The following BBS4 variants were observed in gnomAD, a reference collection of about 807,000 sequenced individuals.
BBS4 encodes BBSome complex member BBS4.
BBS4 carries 58 observed loss-of-function variants against 71.4 expected under a neutral mutation model. The observed-to-expected ratio is 0.81, with a 90% CI of 0.66 to 1.01. BBS4 has a LOEUF of 1.01. Among genes scored for constraint, BBS4 ranks in the 50% least tolerant of loss-of-function variants. BBS4 has a pLI of 0.00. For synonymous variants in BBS4, 228 were observed against 216.8 expected (o/e 1.05, Z -0.46); for missense variants, 660 against 607.9 (o/e 1.09, Z -0.90).
At chr15:72,728,497 CA>C (rs1464251031) in intron 9 of BBS4, among the ~76,000 whole-genome samples, 63 of 146,574 alleles carry the variant, frequency 4.3e-4, no homozygotes, top group Non-Finnish European at 5.4e-4. Flanking sequence ...GATCCTGTCT[CA>C]GAAAAAAAAA....
chr15:72,703,784 CTTAG>C (rs1429762350), intron 2 of BBS4, among the ~76,000 whole-genome samples: 6 of 151,966 alleles, frequency 3.9e-5, no homozygotes, highest in African/African-American at 1.4e-4. Context: ...TTACAAAAGC[CTTAG>C]TTATTTAGTA....
rs375782949 is a variant in BBS4 at position 72,724,530 on chromosome 15, A to G, written c.462A>G (p.Ala154=). The stretch of plus-strand genomic sequence containing the variant: ...CTTTATTTTGTTAAACTTGTCAGGC[A>G]CAAGACCAGTTGCACAATGCCCTGA... ...CYIYLKQFNK[A]QDQLHNALNL... The change falls in exon 8 of 16, where the codon GCA becomes GCG. Residue 154 remains alanine (A), a splice_region_variant and synonymous_variant. Transcript: ENST00000268057. The G allele has an allele frequency of 6.2e-6, 10 of 1,614,020 alleles. No homozygotes were observed. The highest frequency in any genetic ancestry group is 8.5e-6 in the Non-Finnish European group (10 of 1,179,906).
chr15:72,727,320 A>G (rs770418003), intron 8 of BBS4, among the ~76,000 whole-genome samples: 6 of 152,194 alleles, frequency 3.9e-5, no homozygotes, highest in Admixed American at 3.3e-4. Flanking sequence ...ACAAAGACAA[A>G]TACTAGTGAG....
chr15:72,721,071 T>C (rs957561793), intron 6 of BBS4, among the ~76,000 whole-genome samples: 2 of 152,160 alleles, frequency 1.3e-5, no homozygotes, highest in African/African-American at 2.4e-5. Flanking sequence ...TGCATTCTTA[T>C]AGCATGACAA....
rs748795500 is a variant in BBS4, at chr15:72,716,838, C to T, written c.393C>T (p.Asn131=). 5.0e-6 allele frequency: 8 copies of T among 1,609,436 alleles called. No homozygotes were observed. Among genetic ancestry groups the T allele is most frequent in the Non-Finnish European group, 5.1e-6 (6 of 1,177,446 alleles). Residue 131 remains asparagine, a synonymous_variant, in exon 6 of 16, where the codon AAC becomes AAT. Transcript: ENST00000268057. ...TATATAATGAAGCAGCTAAACTCAA[C>T]CAGAAAGATTGGGTAAGTAGAGAAC... is the stretch of plus-strand genomic sequence containing the variant. ...IEVYNEAAKL[N]QKDWEISHNL...
intron 2 of BBS4, among the ~76,000 whole-genome samples, chr15:72,706,033 C>T (rs1369105160): frequency 6.6e-6 from 1 of 152,056 alleles, no homozygotes; most frequent in African/African-American, 2.4e-5. Context: ...GTGCCTCATT[C>T]TCTTTTACTC....
At position 72,737,748 on chromosome 15, in the gene BBS4, C is replaced by G. The variant is rs1297216786; in HGVS notation, c.*161C>G. Reference sequence around the variant, plus strand: ...TTGAGCCTAAGGTCCTTCTACCTACCTGGTATTGGCATTTGAGGTCGGAAA... The same window carrying G: ...TTGAGCCTAAGGTCCTTCTACCTACGTGGTATTGGCATTTGAGGTCGGAAA... On this transcript the variant is annotated 3_prime_UTR_variant, in exon 16 of 16. Coordinates refer to ENST00000268057, the MANE Select transcript of BBS4 (RefSeq NM_033028.5). 7.4e-6 allele frequency: 5 copies of G among 671,606 alleles called. 1 individual carries two copies. The South Asian group carries it at 7.5e-5, about 10-fold the overall frequency. 41.6% of individuals were successfully genotyped at this position (671,606 alleles called of 1,614,324 possible).
At chr15:72,718,820 G>C (rs756073299) in intron 6 of BBS4, among the ~76,000 whole-genome samples, 1 of 152,206 alleles carries the variant, frequency 6.6e-6, no homozygotes, top group African/African-American at 2.4e-5. Flanking sequence ...GTGATGGTAA[G>C]AAATCAGAGT....
Position 72,715,296 on chromosome 15 carries a change from A to G in BBS4, c.226A>G (p.Ile76Val), listed in dbSNP as rs527539622. ...CEYAIYVQAL[I>V]FRLEGNIQES... is the part of the protein sequence containing the mutation. ...TATTTTCTGTTTCTTGGCAGCATTG[A>G]TATTTCGCCTAGAAGGAAATATCCA... The change falls in exon 5 of 16, where the codon ATA (isoleucine) becomes GTA (valine). Residue 76 changes from isoleucine (I) to valine (V), a missense_variant. Coordinates refer to ENST00000268057, the MANE Select transcript of BBS4 (RefSeq NM_033028.5). 9 of 1,608,890 alleles carry G rather than the reference A, an allele frequency of 5.6e-6. No homozygotes were observed. In the African/African-American group the frequency reaches 9.3e-5, roughly 17 times the overall value.
At chr15:72,716,468 T>C (rs2065470285) in intron 5 of BBS4, among the ~76,000 whole-genome samples, 1 of 152,244 alleles carries the variant, frequency 6.6e-6, no homozygotes, top group Non-Finnish European at 1.5e-5. Context: ...TAACATGGTA[T>C]ATCATTAGGC....
At chr15:72,730,537 G>T (rs2065795258) in intron 10 of BBS4, among the ~76,000 whole-genome samples, 1 of 149,986 alleles carries the variant, frequency 6.7e-6, no homozygotes, top group Non-Finnish European at 1.5e-5. Context: ...GTCTACAGTG[G>T]GCTATGATGG....
In BBS4 at chr15:72,724,621, G is replaced by A; in HGVS notation, c.553G>A (p.Asp185Asn). The A allele has an allele frequency of 6.2e-7, 1 of 1,614,082 alleles. No homozygotes were observed. Among genetic ancestry groups the A allele is most frequent in the Non-Finnish European group, 8.5e-7 (1 of 1,179,982 alleles). ...GKIHLLEGDL[D>N]KAIEVYKKAV... The stretch of plus-strand genomic sequence containing the variant: ...GATCCACTTGCTGGAGGGAGACTTG[G>A]ACAAGGCCATTGAAGTCTACAAGAA... The change falls in exon 8 of 16, where the codon GAC becomes AAC. Residue 185 changes from aspartate (D) to asparagine (N), a missense_variant. Physicochemically the swap from Asp to Asn is conservative, Grantham distance 23 (BLOSUM62 1). Coordinates refer to ENST00000268057, the MANE Select transcript of BBS4 (RefSeq NM_033028.5).
At chr15:72,702,800 C>CTTT (rs2065194282) in intron 2 of BBS4, among the ~76,000 whole-genome samples, 1 of 42,114 alleles carries the variant, frequency 2.4e-5, no homozygotes, top group Non-Finnish European at 5.8e-5. Flanking sequence ...GAGGAGCTGA[C>CTTT]TCTTTTTTTT....
At chr15:72,723,991 T>C (rs1427183032) in intron 7 of BBS4, among the ~76,000 whole-genome samples, 2 of 152,224 alleles carry the variant, frequency 1.3e-5, no homozygotes, top group Non-Finnish European at 2.9e-5. Flanking sequence ...AACAAAGCCC[T>C]TTTGTTTACT....
At chr15:72,716,491 T>C (rs1229822444) in intron 5 of BBS4, among the ~76,000 whole-genome samples, 1 of 152,226 alleles carries the variant, frequency 6.6e-6, no homozygotes, top group African/African-American at 2.4e-5. Context: ...ATTTCTTTTT[T>C]GGTCTGCATT....
At chr15:72,704,079 G>C (rs562224177) in intron 2 of BBS4, among the ~76,000 whole-genome samples, 2 of 152,312 alleles carry the variant, frequency 1.3e-5, no homozygotes, top group Non-Finnish European at 1.5e-5. Flanking sequence ...GAGTAGAATG[G>C]GGCAAGAGAA....
chr15:72,735,740 GTT>G (rs1244692282), intron 13 of BBS4, 83 bp from the exon 14 acceptor site: 4 of 1,555,594 alleles, frequency 2.6e-6, no homozygotes, highest in South Asian at 1.1e-5. Flanking sequence ...AACCAGTTTT[GTT>G]TTGTTTTTGT....
At chr15:72,694,003 G>A (rs920741027) in intron 1 of BBS4, among the ~76,000 whole-genome samples, 4 of 151,884 alleles carry the variant, frequency 2.6e-5, no homozygotes, top group Non-Finnish European at 4.4e-5. Context: ...TCCTGCCTCA[G>A]CCTCCCAAGT....
chr15:72,709,561 A>G lies in BBS4; in HGVS notation c.77-139A>G, dbSNP rs554825148. The G allele has an allele frequency of 8.6e-6, 6 of 698,440 alleles. No individual in the cohort carries two copies. The South Asian group carries it at 9.4e-5, about 11-fold the overall frequency. The allele number at this position is 698,440 out of a possible 1,614,324, so 43.3% of individuals were successfully genotyped here. ...AGTCTATAAATTTTTGATGCACTAT[A>G]ATATATTATTGTAGTCAGTAGCATC... On this transcript the variant is annotated intron_variant, in intron 2 of 15. Coordinates refer to ENST00000268057, the MANE Select transcript of BBS4 (RefSeq NM_033028.5).
Sources: gnomAD v4.1 joint callset for allele counts (sites outside exome capture counted in the v4.1 genomes callset) on GRCh38, gnomAD v4.1.1 for gene constraint, MANE v1.5 for transcripts, NCBI Gene and HGNC (gene_info 2026-07-23, HGNC 2026-07-21) for gene names.